Variants in LPIN3 observed in about 807,000 individuals in gnomAD.
The protein encoded by LPIN3 is phosphatidate phosphatase LPIN3.
Under a neutral mutation model 94.7 loss-of-function variants are expected in LPIN3, and 82 were observed. That is an observed-to-expected ratio of 0.87 (90% CI 0.72 to 1.04). LPIN3 has a LOEUF of 1.04. LPIN3 is among the 50% of genes least tolerant of loss of function. The pLI is 0.00. For missense variants in LPIN3, 996 were observed against 1,090.5 expected (o/e 0.91, Z 1.22); for synonymous variants, 418 against 443.3 (o/e 0.94, Z 0.72).
In LPIN3 at chr20:41,358,516, G is replaced by A; in HGVS notation, c.2385G>A (p.Gln795=). 1 of 1,614,062 alleles carries A rather than the reference G, an allele frequency of 6.2e-7. No homozygotes were observed. The highest frequency in any genetic ancestry group is 8.5e-7 in the Non-Finnish European group (1 of 1,179,986). Residue 795 remains glutamine, a synonymous_variant, in exon 19 of 20, where the codon CAG becomes CAA. Transcript: ENST00000373257. ...TCAACCCCCGGGGAGAGCTCATCCA[G>A]GAGCTCATAAAGAACCACAAATCCA... ...FTVNPRGELI[Q]ELIKNHKSTY...
At position 41,354,853 on chromosome 20, in the gene LPIN3, G is replaced by T. The variant is rs758478082; in HGVS notation, c.1654G>T (p.Glu552Ter). ...CCAGAAGGAGAAGACTGCAGCCAAG[G>T]AGCAGCAGGGGTGAGTGAGACCCCC... ...SAQKEKTAAK[E>*]QQGEKTEVLS... The change falls in exon 13 of 20, where the codon GAG (glutamate) becomes TAG (stop). Residue 552 changes from glutamate to a stop codon, truncating the protein, a stop_gained. Transcript: ENST00000373257. LOFTEE classifies it high-confidence loss of function. 1.3e-6 allele frequency: 2 copies of T among 1,569,112 alleles called. No individual in the cohort carries two copies. The highest frequency in any genetic ancestry group is 1.7e-6 in the Non-Finnish European group (2 of 1,156,698).
chr20:41,351,232 G>A (rs2045998547), intron 7 of LPIN3, among the ~76,000 whole-genome samples: 1 of 151,296 alleles, frequency 6.6e-6, no homozygotes, highest in African/African-American at 2.4e-5. Flanking sequence ...CTGCACTCCA[G>A]CCTGGGTGAC....
At chr20:41,346,946 G>A (rs16985677) in intron 2 of LPIN3, among the ~76,000 whole-genome samples, 19,442 of 151,990 alleles carry the variant, frequency 0.13, 1,491 homozygotes, top group Non-Finnish European at 0.16. Context: ...AGTAGCTTGG[G>A]TTGTAGACTC....
Position 41,357,879 on chromosome 20 carries a change from C to G in LPIN3, c.2040-3C>G, listed in dbSNP as rs373509036. On this transcript the variant is annotated splice_region_variant and splice_polypyrimidine_tract_variant and intron_variant, in intron 16 of 19. Transcript: ENST00000373257. ...TCTATGCCACCCTGTCCCCCACTCT[C>G]AGAAATGGGTACAAGTTCCTGTACT... 1 of 1,613,960 alleles carries G rather than the reference C, an allele frequency of 6.2e-7. No individual in the cohort carries two copies. The highest frequency in any genetic ancestry group is 1.3e-5 in the African/African-American group (1 of 74,940).
At position 41,349,792 on chromosome 20, in the gene LPIN3, A is replaced by G; in HGVS notation, c.657A>G (p.Leu219=). Residue 219 remains leucine (L), a synonymous_variant, in exon 6 of 20, where the codon CTA becomes CTG. Transcript: ENST00000373257. ...PPQASLSAGE[L]TSPKSDSELE... ...CCTGCAGCCTCTCAGCAGGTGAGCTAACATCCCCTAAGAGCGACTCGGAGC... is the reference window on the plus strand; with the variant it reads ...CCTGCAGCCTCTCAGCAGGTGAGCTGACATCCCCTAAGAGCGACTCGGAGC... 6.2e-7 allele frequency: 1 copy of G among 1,613,466 alleles called. No individual in the cohort carries two copies. The highest frequency in any genetic ancestry group is 8.5e-7 in the Non-Finnish European group (1 of 1,179,918).
rs182096171 is a variant in LPIN3 at position 41,352,414 on chromosome 20, C to G, written c.1364-192C>G. On this transcript the variant is annotated intron_variant, in intron 9 of 19. Coordinates refer to ENST00000373257, the MANE Select transcript of LPIN3 (RefSeq NM_022896.3). ...AGTCCCCATGAAGCAAAATGCTTGA[C>G]GCTAAGTTGTGAGTTATCCTGTGAA... Among the ~76,000 whole-genome samples, 95 of 152,332 alleles carry G rather than the reference C, an allele frequency of 6.2e-4. 1 individual carries two copies. The highest frequency in any genetic ancestry group is 1.2e-3 in the Non-Finnish European group (80 of 68,036).
Position 41,347,615 on chromosome 20 carries a change from G to A in LPIN3, c.256G>A (p.Ala86Thr). The A allele has an allele frequency of 6.2e-7, 1 of 1,614,094 alleles. No homozygotes were observed. Among genetic ancestry groups the A allele is most frequent in the East Asian group, 2.2e-5 (1 of 44,872 alleles). ...CATGAAGCTTGGGGACAGCGGGGAG[G>A]CCTTCTTTGTTCAGGAGCTGGAGAG... The part of the protein sequence containing the change: ...LHMKLGDSGE[A>T]FFVQELESDD... The change falls in exon 3 of 20, where the codon GCC becomes ACC. Residue 86 changes from alanine to threonine, a missense_variant. Ala to Thr is a moderately conservative substitution (Grantham distance 58). Transcript: ENST00000373257.
At chr20:41,348,063 G>A (rs2045850795) in intron 3 of LPIN3, among the ~76,000 whole-genome samples, 1 of 152,182 alleles carries the variant, frequency 6.6e-6, no homozygotes, top group Non-Finnish European at 1.5e-5. Flanking sequence ...AGTGGTGGGT[G>A]TTCGCACAGG....
chr20:41,344,053 T>C (rs2045680208), intron 1 of LPIN3, among the ~76,000 whole-genome samples: 1 of 149,520 alleles, frequency 6.7e-6, no homozygotes. Context: ...CAGAGTGAGA[T>C]CCTGTCTCAA....
chr20:41,354,191 T>C (rs1271386019), intron 11 of LPIN3, among the ~76,000 whole-genome samples: 1 of 152,052 alleles, frequency 6.6e-6, no homozygotes, highest in Non-Finnish European at 1.5e-5. Flanking sequence ...AAAAGGGGGT[T>C]GTTCATGGAA....
At position 41,358,503 on chromosome 20, in the gene LPIN3, G is replaced by T. The variant is rs771141248; in HGVS notation, c.2372G>T (p.Gly791Val). The T allele has an allele frequency of 8.2e-5, 132 of 1,613,972 alleles. No individual in the cohort carries two copies. Among genetic ancestry groups the T allele is most frequent in the Non-Finnish European group, 1.0e-4 (123 of 1,180,022 alleles). The change falls in exon 19 of 20, where the codon GGA (glycine) becomes GTA (valine). Residue 791 changes from glycine to valine, a missense_variant. Physicochemically the swap from Gly to Val is moderately radical, Grantham distance 109 (BLOSUM62 -3). Coordinates refer to ENST00000373257, the MANE Select transcript of LPIN3 (RefSeq NM_022896.3). ...CGCATCTTCACAGTCAACCCCCGGG[G>T]AGAGCTCATCCAGGAGCTCATAAAG... ...ESRIFTVNPR[G>V]ELIQELIKNH...
At chr20:41,352,898 G>T in intron 11 of LPIN3, 31 bp downstream of exon 11, 1 of 1,611,670 alleles carries the variant, frequency 6.2e-7, no homozygotes, top group South Asian at 1.1e-5. Context: ...GCCCCTGCTG[G>T]GGAAGGTAGC....
In LPIN3 at chr20:41,358,954, T is replaced by C. The variant is rs532031092; in HGVS notation, c.*88T>C. The stretch of plus-strand genomic sequence containing the variant: ...TAGGAGGGTGGGAATTGGAGTGTCA[T>C]GGGGCAAACCCACTGAAGGGGAAGG... On this transcript the variant is annotated 3_prime_UTR_variant, in exon 20 of 20. Coordinates refer to ENST00000373257, the MANE Select transcript of LPIN3 (RefSeq NM_022896.3). 5 of 1,512,294 alleles carry C rather than the reference T, an allele frequency of 3.3e-6. No individual in the cohort carries two copies. The East Asian group carries it at 1.1e-4, about 34-fold the overall frequency. The allele number at this position is 1,512,294 out of a possible 1,614,324, so 93.7% of individuals were successfully genotyped here.
chr20:41,354,691 G>A lies in LPIN3; in HGVS notation c.1574G>A (p.Gly525Glu). 6.2e-7 allele frequency: 1 copy of A among 1,606,158 alleles called. No individual in the cohort carries two copies. The highest frequency in any genetic ancestry group is 1.7e-5 in the Admixed American group (1 of 59,532). The change falls in exon 12 of 20, where the codon GGG becomes GAG. Residue 525 changes from glycine (G) to glutamate (E), a missense_variant. Transcript: ENST00000373257. ...LEREKMPRKG[G>E]RWWFSWRRRD... ...AGGGAGAAGATGCCCCGGAAGGGTG[G>A]GCGATGGTGGTTTTCCTGGCGACGC...
At position 41,358,631 on chromosome 20, in the gene LPIN3, G is replaced by C. The variant is rs1010612915; in HGVS notation, c.2411+89G>C. On this transcript the variant is annotated intron_variant, in intron 19 of 19. Transcript: ENST00000373257. ...GGGCCCCAATTTTACCTCTTACCGG[G>C]GAGTCTGTCCCTTACTCTGGGACAG... 5 of 1,603,266 alleles carry C rather than the reference G, an allele frequency of 3.1e-6. No homozygotes were observed. The African/African-American group carries it at 5.4e-5, about 17-fold the overall frequency.
chr20:41,359,027 C>G lies in LPIN3; in HGVS notation c.*161C>G, dbSNP rs1279881423. The G allele has an allele frequency of 7.1e-6, 6 of 844,894 alleles. No individual in the cohort carries two copies. Among genetic ancestry groups the G allele is most frequent in the Non-Finnish European group, 9.0e-6 (5 of 553,344 alleles). The allele number at this position is 844,894 out of a possible 1,614,324, so 52.3% of individuals were successfully genotyped here. On this transcript the variant is annotated 3_prime_UTR_variant, in exon 20 of 20. Coordinates refer to ENST00000373257, the MANE Select transcript of LPIN3 (RefSeq NM_022896.3). ...AGCTAGAGAGACTCCCCCATCTTCC[C>G]CGTCATATTTTTGCCAGCTAAGCTG...
rs1301279373 is a variant in LPIN3, at chr20:41,340,991, G to T, written c.-20G>T. On this transcript the variant is annotated 5_prime_UTR_variant, in exon 1 of 20. Transcript: ENST00000373257. ...GCTCTGAGTCCAGGAGCTCCAGTGG[G>T]CAGCTCCCCAGGTAGGGCCCAACTC... The T allele has an allele frequency of 6.6e-6, 1 of 152,306 alleles. No homozygotes were observed. Among genetic ancestry groups the T allele is most frequent in the Non-Finnish European group, 1.5e-5 (1 of 68,122 alleles). The allele number at this position is 152,306 out of a possible 1,614,324, so 9.4% of individuals were successfully genotyped here.
chr20:41,351,272 A>G (rs994162582), intron 7 of LPIN3, among the ~76,000 whole-genome samples: 1 of 149,758 alleles, frequency 6.7e-6, no homozygotes, highest in Non-Finnish European at 1.5e-5. Flanking sequence ...ATTAAATTAA[A>G]TTAATTGCAA....
intron 14 of LPIN3, 104 bp from the exon 15 acceptor site, chr20:41,356,936 G>T: frequency 7.5e-7 from 1 of 1,325,558 alleles, no homozygotes; most frequent in Non-Finnish European, 1.0e-6. Flanking sequence ...GGAGGAAGAG[G>T]AGAATGAGAG....
Sources: allele counts gnomAD v4.1 joint callset (sites outside exome capture counted in the v4.1 genomes callset), GRCh38; gene constraint gnomAD v4.1.1; transcripts MANE v1.5; gene names NCBI Gene and HGNC (gene_info 2026-07-23, HGNC 2026-07-21).